CELSR3: variants seen among roughly 807,000 people sequenced by gnomAD.
CELSR3 encodes the protein cadherin EGF LAG seven-pass G-type receptor 3, also known as EGF-like protein 1.
A neutral mutation model predicts 270.0 loss-of-function variants in CELSR3; 73 were observed. The ratio of observed to expected loss-of-function variants is 0.27; its 90% CI spans 0.22 to 0.33. The LOEUF is 0.33. Ranked by LOEUF, CELSR3 falls within the 10% of genes least tolerant of loss-of-function variation. The pLI, the probability that CELSR3 is intolerant of heterozygous loss-of-function variation, is 1.00. For synonymous variants in CELSR3, 1,780 were observed against 1,905.4 expected (o/e 0.93, Z 1.71); for missense variants, 3,614 against 4,533.8 (o/e 0.80, Z 5.83).
chr3:48,656,095 G>A, intron 3 of CELSR3, 45 bp downstream of exon 3: 2 of 1,510,204 alleles, frequency 1.3e-6, no homozygotes, highest in Middle Eastern at 2.0e-4. Context: ...AGGGCGGGTA[G>A]GTGGGGGCGG....
Position 48,656,594 on chromosome 3 carries a change from C to T in CELSR3, c.4399+104G>A, listed in dbSNP as rs112993379. The T allele has an allele frequency of 2.7e-5, 37 of 1,376,564 alleles. No homozygotes were observed. The African/African-American group carries it at 4.1e-4, about 15-fold the overall frequency. The allele number at this position is 1,376,564 out of a possible 1,614,324, so 85.3% of individuals were successfully genotyped here. A position where few individuals can be genotyped will look rare whatever the true frequency, so the allele number is the denominator to read the frequency against. Reference sequence around the variant, plus strand: ...GCTTCTGGCCTAAGCGCGTCCATACCAGGCCGTGGCCTCAGAAGTGACTCC... The same window carrying T: ...GCTTCTGGCCTAAGCGCGTCCATACTAGGCCGTGGCCTCAGAAGTGACTCC... On this transcript the variant is annotated intron_variant, in intron 2 of 34. Coordinates refer to ENST00000164024, the MANE Select transcript of CELSR3 (RefSeq NM_001407.3).
rs746648692 is a variant in CELSR3, at chr3:48,660,071, C to T, written c.2564G>A (p.Arg855Gln). Residue 855 changes from arginine (R) to glutamine (Q), a missense_variant, in exon 1 of 35, where the codon CGG becomes CAG. Coordinates refer to ENST00000164024, the MANE Select transcript of CELSR3 (RefSeq NM_001407.3). This position sits in a 1 kb window ranked among gnomAD's most constrained non-coding sequence, Gnocchi z 5.5. Reference protein sequence around the residue: ...HINITDANTHRPVFQSAHYSV... With the variant: ...HINITDANTHQPVFQSAHYSV... ...GTAGTGGGCACTTTGAAAGACCGGC[C>T]GATGAGTGTTGGCATCTGTGATGTT... 15 of 1,614,120 alleles carry T rather than the reference C, an allele frequency of 9.3e-6. No homozygotes were observed. The highest frequency in any genetic ancestry group is 4.5e-5 in the East Asian group (2 of 44,880).
At position 48,654,437 on chromosome 3, in the gene CELSR3, C is replaced by G; in HGVS notation, c.5004G>C (p.Thr1668=). 6.3e-7 allele frequency: 1 copy of G among 1,595,520 alleles called. No homozygotes were observed. Among genetic ancestry groups the G allele is most frequent in the South Asian group, 1.1e-5 (1 of 89,586 alleles). ...QTSSKKSLDL[T]GPLLLGGVPN... ...GGACACCTCCCAGAAGAAGAGGGCCCGTCAGGTCCAGGGACCTGGGGATCA... is the reference window on the plus strand; with the variant it reads ...GGACACCTCCCAGAAGAAGAGGGCCGGTCAGGTCCAGGGACCTGGGGATCA... The change falls in exon 7 of 35, where the codon ACG becomes ACC. Residue 1668 remains threonine, a synonymous_variant. Transcript: ENST00000164024. This position sits in a 1 kb window ranked among gnomAD's most constrained non-coding sequence, Gnocchi z 5.4.
Position 48,661,639 on chromosome 3 carries a change from C to G in CELSR3, c.996G>C (p.Thr332=), listed in dbSNP as rs749249324. The part of the protein sequence containing the change: ...HPQFPQYNYQ[T]LVPENEAAGT... ...CTGCTGCCTCATTCTCCGGCACCAGCGTCTGGTAGTTGTACTGCGGAAACT... is the reference window on the plus strand; with the variant it reads ...CTGCTGCCTCATTCTCCGGCACCAGGGTCTGGTAGTTGTACTGCGGAAACT... Residue 332 remains threonine, a synonymous_variant, in exon 1 of 35, where the codon ACG becomes ACC. Coordinates refer to ENST00000164024, the MANE Select transcript of CELSR3 (RefSeq NM_001407.3). 6 of 1,602,972 alleles carry G rather than the reference C, an allele frequency of 3.7e-6. No individual in the cohort carries two copies. In the South Asian group the frequency reaches 5.5e-5, roughly 15 times the overall value.
In CELSR3 at chr3:48,660,222, T is replaced by G; in HGVS notation, c.2413A>C (p.Ser805Arg). 6.2e-7 allele frequency: 1 copy of G among 1,614,114 alleles called. No homozygotes were observed. The highest frequency in any genetic ancestry group is 8.5e-7 in the Non-Finnish European group (1 of 1,180,030). Reference sequence around the variant, plus strand: ...ACCAGACCCACACCCCCCTGGGTGCTGATGGCAAAGCGATTCCGGGTGTTG... The same window carrying G: ...ACCAGACCCACACCCCCCTGGGTGCGGATGGCAAAGCGATTCCGGGTGTTG... ...GGNTRNRFAI[S>R]TQGGVGLVTL... Residue 805 changes from serine (S) to arginine (R), a missense_variant, in exon 1 of 35, where the codon AGC (serine) becomes CGC (arginine). By Grantham distance (110) the Ser-to-Arg change is moderately radical. Around this residue, in one of 7 missense-constraint regions of CELSR3, gnomAD observed 215 missense variants for 241.2 expected, o/e 0.89. Coordinates refer to ENST00000164024, the MANE Select transcript of CELSR3 (RefSeq NM_001407.3). The surrounding 1 kb of genome is among the most constrained non-coding windows in gnomAD (Gnocchi z 5.5).
rs760331985 is a variant in CELSR3, at chr3:48,659,297, T to G, written c.3338A>C (p.Glu1113Ala). The G allele has an allele frequency of 6.2e-7, 1 of 1,614,032 alleles. No homozygotes were observed. Among genetic ancestry groups the G allele is most frequent in the Non-Finnish European group, 8.5e-7 (1 of 1,180,028 alleles). ...MYQIVEGNIP[E>A]LFQMDIFSGE... Reference sequence around the variant, plus strand: ...AGAGAAGATGTCCATTTGGAACAGCTCAGGGATGTTCCCCTCCACGATCTG... The same window carrying G: ...AGAGAAGATGTCCATTTGGAACAGCGCAGGGATGTTCCCCTCCACGATCTG... The change falls in exon 1 of 35, where the codon GAG (glutamate) becomes GCG (alanine). Residue 1113 changes from glutamate to alanine, a missense_variant. Glu to Ala is a moderately radical substitution (Grantham distance 107). Transcript: ENST00000164024. The surrounding 1 kb of genome is among the most constrained non-coding windows in gnomAD (Gnocchi z 8.1).
At position 48,655,729 on chromosome 3, in the gene CELSR3, C is replaced by T. The variant is rs1323606126; in HGVS notation, c.4741+7G>A. On this transcript the variant is annotated splice_region_variant and intron_variant, in intron 4 of 34. Coordinates refer to ENST00000164024, the MANE Select transcript of CELSR3 (RefSeq NM_001407.3). This position sits in a 1 kb window ranked among gnomAD's most constrained non-coding sequence, Gnocchi z 5.8. ...CACCCTTTCGCCGTCACATCCGGGG[C>T]ACCCACCCGTGGAATATGTGAGCCG... 1 of 1,611,308 alleles carries T rather than the reference C, an allele frequency of 6.2e-7. No homozygotes were observed. Among genetic ancestry groups the T allele is most frequent in the East Asian group, 2.2e-5 (1 of 44,860 alleles).
chr3:48,645,002 T>C lies in CELSR3; in HGVS notation c.7972+33A>G. ...GGACAGGGTCAGGGGTCAGGCCATG[T>C]GATGGTTGGAGGTTGGGGGTCACAG... On this transcript the variant is annotated intron_variant, in intron 25 of 34. Coordinates refer to ENST00000164024, the MANE Select transcript of CELSR3 (RefSeq NM_001407.3). This position sits in a 1 kb window ranked among gnomAD's most constrained non-coding sequence, Gnocchi z 5.4. 1 of 1,561,280 alleles carries C rather than the reference T, an allele frequency of 6.4e-7. No individual in the cohort carries two copies. The highest frequency in any genetic ancestry group is 8.7e-7 in the Non-Finnish European group (1 of 1,147,706).
At chr3:48,656,513 C>T in intron 2 of CELSR3, 148 bp from the exon 3 acceptor site, 1 of 1,141,614 alleles carries the variant, frequency 8.8e-7, no homozygotes, top group Non-Finnish European at 1.2e-6. Flanking sequence ...CTGGCCCCGC[C>T]CCCTCCCCAG....
Position 48,645,143 on chromosome 3 carries a change from C to T in CELSR3, c.7864G>A (p.Val2622Met), listed in dbSNP as rs200781449. The T allele has an allele frequency of 1.9e-5, 30 of 1,599,984 alleles. No individual in the cohort carries two copies. The highest frequency in any genetic ancestry group is 2.2e-5 in the South Asian group (2 of 90,684). ...ATGCGGTAGAGGTGCAGCCCCTGCACGAAGAGCCACGCGAAGGTGCTGAGG... is the reference window on the plus strand; with the variant it reads ...ATGCGGTAGAGGTGCAGCCCCTGCATGAAGAGCCACGCGAAGGTGCTGAGG... The part of the protein sequence containing the change: ...FFLSTFAWLF[V>M]QGLHLYRMQV... The change falls in exon 25 of 35, where the codon GTG becomes ATG. Residue 2622 changes from valine to methionine, a missense_variant. Around this residue, in one of 7 missense-constraint regions of CELSR3, gnomAD observed 1,240 missense variants for 1,351.7 expected, o/e 0.92. Coordinates refer to ENST00000164024, the MANE Select transcript of CELSR3 (RefSeq NM_001407.3). This position sits in a 1 kb window ranked among gnomAD's most constrained non-coding sequence, Gnocchi z 5.4.
chr3:48,650,818 G>T lies in CELSR3; in HGVS notation c.6370+74C>A. On this transcript the variant is annotated intron_variant, in intron 15 of 34. Coordinates refer to ENST00000164024, the MANE Select transcript of CELSR3 (RefSeq NM_001407.3). This position sits in a 1 kb window ranked among gnomAD's most constrained non-coding sequence, Gnocchi z 5.1. The stretch of plus-strand genomic sequence containing the variant: ...GCTTCCAGAGTCCCCAAGGAGCCAT[G>T]TGTGCCACTGACACGTGATGGTGGC... 6.7e-7 allele frequency: 1 copy of T among 1,488,514 alleles called. No homozygotes were observed. The highest frequency in any genetic ancestry group is 9.1e-7 in the Non-Finnish European group (1 of 1,094,838). 92.2% of individuals were successfully genotyped at this position (1,488,514 alleles called of 1,614,324 possible). A position where few individuals can be genotyped will look rare whatever the true frequency, so the allele number is the denominator to read the frequency against.
Position 48,646,338 on chromosome 3 carries a change from C to T in CELSR3, c.7296-81G>A. ...CTTGCCTCACCCCGTCTTCATGCCA[C>T]TCGCCAGGGCTGACCCAGGGTCTGG... On this transcript the variant is annotated intron_variant, in intron 21 of 34. Coordinates refer to ENST00000164024, the MANE Select transcript of CELSR3 (RefSeq NM_001407.3). This position sits in a 1 kb window ranked among gnomAD's most constrained non-coding sequence, Gnocchi z 4.8. The T allele has an allele frequency of 1.4e-6, 2 of 1,424,608 alleles. No individual in the cohort carries two copies. Among genetic ancestry groups the T allele is most frequent in the Non-Finnish European group, 9.5e-7 (1 of 1,056,034 alleles). 88.2% of individuals were successfully genotyped at this position (1,424,608 alleles called of 1,614,324 possible).
chr3:48,652,470 C>T lies in CELSR3; in HGVS notation c.5718G>A (p.Glu1906=). 1 of 1,613,882 alleles carries T rather than the reference C, an allele frequency of 6.2e-7. No homozygotes were observed. Among genetic ancestry groups the T allele is most frequent in the Non-Finnish European group, 8.5e-7 (1 of 1,179,988 alleles). ...AGCCAACCAGACCCTGAGGAGCCTCCTCTGCACTGCCGGGGGGCAGGCCTC... is the reference window on the plus strand; with the variant it reads ...AGCCAACCAGACCCTGAGGAGCCTCTTCTGCACTGCCGGGGGGCAGGCCTC... ...HVGGLPPGSA[E]EAPQGLVGCI... The change falls in exon 11 of 35, where the codon GAG becomes GAA. Residue 1906 remains glutamate, a synonymous_variant. Coordinates refer to ENST00000164024, the MANE Select transcript of CELSR3 (RefSeq NM_001407.3). This position sits in a 1 kb window ranked among gnomAD's most constrained non-coding sequence, Gnocchi z 4.3.
At position 48,637,987 on chromosome 3, in the gene CELSR3, G is replaced by A. The variant is rs113862826; in HGVS notation, c.*218C>T. 8.8e-4 allele frequency: 451 copies of A among 510,466 alleles called. 1 individual carries two copies. Among genetic ancestry groups the A allele is most frequent in the Non-Finnish European group, 7.2e-4 (203 of 280,400 alleles). 31.6% of individuals were successfully genotyped at this position (510,466 alleles called of 1,614,324 possible). A position where few individuals can be genotyped will look rare whatever the true frequency, so the allele number is the denominator to read the frequency against. On this transcript the variant is annotated 3_prime_UTR_variant, in exon 35 of 35. Transcript: ENST00000164024. ...CTCTCTGGTTACAAAGGTACAAAAC[G>A]TATAAAAGTCTCCCTCCAGTCCCCC...
In CELSR3 at chr3:48,641,528, T is replaced by C. The variant is rs2047026501; in HGVS notation, c.8825-4A>G. 12 of 1,608,880 alleles carry C rather than the reference T, an allele frequency of 7.5e-6. No homozygotes were observed. The highest frequency in any genetic ancestry group is 1.3e-5 in the African/African-American group (1 of 74,926). On this transcript the variant is annotated splice_polypyrimidine_tract_variant and splice_region_variant and intron_variant, in intron 32 of 34. Coordinates refer to ENST00000164024, the MANE Select transcript of CELSR3 (RefSeq NM_001407.3). The surrounding 1 kb of genome is among the most constrained non-coding windows in gnomAD (Gnocchi z 4.8). ...AGGAGGTCATTGCCATCCACATCTG[T>C]GGAGCCAGGTCAGGTTACAGGAGCT...
Position 48,647,918 on chromosome 3 carries a change from A to G in CELSR3, c.7052T>C (p.Phe2351Ser). ...RRYPRYHSNLFRGQDAWDPHT... is the reference protein window; with the variant it reads ...RRYPRYHSNLSRGQDAWDPHT... The stretch of plus-strand genomic sequence containing the variant: ...AGGATCCCAGGCATCCTGGCCTCGA[A>G]AGAGGTTGCTATGGTAGCGAGGGTA... The change falls in exon 20 of 35, where the codon TTT becomes TCT. Residue 2351 changes from phenylalanine (F) to serine (S), a missense_variant. Phe to Ser is a radical substitution (Grantham distance 155, BLOSUM62 -2). Around this residue, in one of 7 missense-constraint regions of CELSR3, gnomAD observed 1,240 missense variants for 1,351.7 expected, o/e 0.92. Coordinates refer to ENST00000164024, the MANE Select transcript of CELSR3 (RefSeq NM_001407.3). 6.2e-7 allele frequency: 1 copy of G among 1,612,058 alleles called. No homozygotes were observed. Among genetic ancestry groups the G allele is most frequent in the African/African-American group, 1.3e-5 (1 of 74,908 alleles).
Position 48,661,628 on chromosome 3 carries a change from T to C in CELSR3, c.1007A>G (p.Glu336Gly). The change falls in exon 1 of 35, where the codon GAG becomes GGG. Residue 336 changes from glutamate to glycine, a missense_variant. Physicochemically the swap from Glu to Gly is moderately conservative, Grantham distance 98. Coordinates refer to ENST00000164024, the MANE Select transcript of CELSR3 (RefSeq NM_001407.3). ...PQYNYQTLVP[E>G]NEAAGTAVLR... Reference sequence around the variant, plus strand: ...CACCGCGGTGCCTGCTGCCTCATTCTCCGGCACCAGCGTCTGGTAGTTGTA... The same window carrying C: ...CACCGCGGTGCCTGCTGCCTCATTCCCCGGCACCAGCGTCTGGTAGTTGTA... 1 of 1,604,990 alleles carries C rather than the reference T, an allele frequency of 6.2e-7. No homozygotes were observed. The highest frequency in any genetic ancestry group is 8.5e-7 in the Non-Finnish European group (1 of 1,175,786).
At chr3:48,656,436 C>T (rs1239217830) in intron 2 of CELSR3, 71 bp from the exon 3 acceptor site, 5 of 1,332,358 alleles carry the variant, frequency 3.8e-6, no homozygotes, top group Non-Finnish European at 4.8e-6. Context: ...TCAAAGACCG[C>T]GCGCCCAGAG....
chr3:48,643,499 C>T, intron 28 of CELSR3, 55 bp downstream of exon 28: 1 of 1,534,528 alleles, frequency 6.5e-7, no homozygotes, highest in Non-Finnish European at 8.8e-7. Flanking sequence ...AGGGATGGCC[C>T]CAGCCTACTG....
Sources: allele counts gnomAD v4.1 joint callset, GRCh38; gene constraint gnomAD v4.1.1; regional missense constraint gnomAD v4.1.1; non-coding constraint Gnocchi (gnomAD v3.1); transcripts MANE v1.5; gene names NCBI Gene and HGNC (gene_info 2026-07-23, HGNC 2026-07-21).